Variants in PRCP observed in about 807,000 individuals in gnomAD.
The protein encoded by PRCP is prolylcarboxypeptidase.
A neutral mutation model predicts 54.2 loss-of-function variants in PRCP; 46 were observed. That is an observed-to-expected ratio of 0.85 (90% confidence interval 0.67 to 1.09). The LOEUF is 1.09. Ranked by LOEUF, PRCP falls within the 50% of genes least tolerant of loss-of-function variation. The pLI is 0.00. For synonymous variants in PRCP, 240 were observed against 212.2 expected, an observed-to-expected ratio of 1.13 and a Z score of -1.14; for missense variants, 613 against 596.8, an observed-to-expected ratio of 1.03 and a Z score of -0.28.
chr11:82,875,906 A>C (rs1377196687), intron 1 of PRCP, among the ~76,000 whole-genome samples: 1 of 152,110 alleles, frequency 6.6e-6, no homozygotes, highest in East Asian at 1.9e-4. Context: ...ATATTCCAGA[A>C]ATGCTCTGGA....
rs551301447 is a variant in PRCP at position 82,889,549 on chromosome 11, GAC to G, written c.168+10684_168+10685del. On this transcript the variant is annotated intron_variant, in intron 1 of 8. Transcript: ENST00000313010. ...GGAAGCTGCAGAAGCAGCAGCAGAAGACGCAGCAGCAGGAGCAGCAGAAGCAG... is the reference window on the plus strand; with the variant it reads ...GGAAGCTGCAGAAGCAGCAGCAGAAGGCAGCAGCAGGAGCAGCAGAAGCAG... Among the ~76,000 whole-genome samples the G allele has an allele frequency of 1.6e-3, 249 of 151,988 alleles. 1 individual carries two copies. The highest frequency in any genetic ancestry group is 5.9e-3 in the African/African-American group (243 of 41,446).
chr11:82,860,916 C>G (rs1402866317), intron 1 of PRCP, among the ~76,000 whole-genome samples: 1 of 152,050 alleles, frequency 6.6e-6, no homozygotes, highest in Non-Finnish European at 1.5e-5. Flanking sequence ...AGAAAGTGCT[C>G]ACAATTAATG....
At chr11:82,859,244 G>A (rs1277853407) in intron 2 of PRCP, among the ~76,000 whole-genome samples, 1 of 152,194 alleles carries the variant, frequency 6.6e-6, no homozygotes, top group Non-Finnish European at 1.5e-5. Flanking sequence ...AGAAAATATA[G>A]TCAGGGAAGC....
intron 1 of PRCP, among the ~76,000 whole-genome samples, chr11:82,885,740 A>G (rs1040343447): frequency 4.6e-5 from 7 of 152,194 alleles, no homozygotes; most frequent in African/African-American, 1.7e-4. Context: ...AGATGAATAC[A>G]TGGCAGTGAC....
intron 8 of PRCP, among the ~76,000 whole-genome samples, chr11:82,831,625 G>A (rs969091179): frequency 6.6e-5 from 10 of 152,142 alleles, no homozygotes; most frequent in East Asian, 3.9e-4. Context: ...CTTCCCAACC[G>A]GAAAAGCAAT....
intron 3 of PRCP, among the ~76,000 whole-genome samples, chr11:82,851,663 A>G (rs1366420240): frequency 6.6e-6 from 1 of 152,056 alleles, no homozygotes; most frequent in Admixed American, 6.6e-5. Flanking sequence ...GTTTTAAGCC[A>G]TAAGGTTTGA....
chr11:82,859,671 A>G (rs1859164105), intron 2 of PRCP, among the ~76,000 whole-genome samples: 1 of 147,446 alleles, frequency 6.8e-6, no homozygotes, highest in African/African-American at 2.7e-5. Context: ...CAGGCAGTCC[A>G]TGAAAAATAC....
At position 82,867,902 on chromosome 11, in the gene PRCP, TAA is replaced by T. The variant is rs544295916; in HGVS notation, c.169-7787_169-7786del. ...ACACCCGGTTTGTTAAGTTTTAAATTAAGTTTCAGAAAATCTTAGGACAGAAA... is the reference window on the plus strand; with the variant it reads ...ACACCCGGTTTGTTAAGTTTTAAATTGTTTCAGAAAATCTTAGGACAGAAA... On this transcript the variant is annotated intron_variant, in intron 1 of 8. Transcript: ENST00000313010. 2.1e-3 allele frequency among the ~76,000 whole-genome samples: 316 copies of T among 152,250 alleles called. 1 individual carries two copies. Among genetic ancestry groups the T allele is most frequent in the African/African-American group, 7.3e-3 (304 of 41,546 alleles).
At chr11:82,875,257 G>A (rs1324210290) in intron 1 of PRCP, among the ~76,000 whole-genome samples, 1 of 152,200 alleles carries the variant, frequency 6.6e-6, no homozygotes, top group Non-Finnish European at 1.5e-5. Context: ...AACACAATGT[G>A]CACAGGCCTT....
At chr11:82,853,309 A>AATCTCG (rs1250207277) in intron 2 of PRCP, 31 bp from the exon 3 acceptor site, 2 of 1,566,110 alleles carry the variant, frequency 1.3e-6, no homozygotes, top group Admixed American at 3.6e-5. Context: ...CACAGGATAA[A>AATCTCG]ATCAGAATGT....
At chr11:82,848,856 G>T (rs987265404) in intron 6 of PRCP, among the ~76,000 whole-genome samples, 193 bp downstream of exon 6, 3 of 152,052 alleles carry the variant, frequency 2.0e-5, no homozygotes, top group African/African-American at 7.2e-5. Flanking sequence ...AGGAAACTGA[G>T]GCTCAGAAAA....
chr11:82,850,397 T>C lies in PRCP; in HGVS notation c.520A>G (p.Ile174Val), dbSNP rs777326894. The C allele has an allele frequency of 3.7e-6, 6 of 1,605,304 alleles. No individual in the cohort carries two copies. The African/African-American group carries it at 4.0e-5, about 11-fold the overall frequency. The stretch of plus-strand genomic sequence containing the variant: ...CCACCATAGGAGCCTCCTATGGCAA[T>C]GACAGGTTGATTTTCAGCTCCTGGG... ...TIPGAENQPVIAIGGSYGGML... is the reference protein window; with the variant it reads ...TIPGAENQPVVAIGGSYGGML... Residue 174 changes from isoleucine (I) to valine (V), a missense_variant, in exon 4 of 9, where the codon ATT (isoleucine) becomes GTT (valine). Coordinates refer to ENST00000313010, the MANE Select transcript of PRCP (RefSeq NM_005040.4).
chr11:82,865,282 T>G (rs1293557336), intron 1 of PRCP, among the ~76,000 whole-genome samples: 1 of 152,222 alleles, frequency 6.6e-6, no homozygotes, highest in Non-Finnish European at 1.5e-5. Context: ...CAGATAAAGC[T>G]GACTATAAAC....
intron 1 of PRCP, chr11:82,884,709 A>AT: frequency 1.4e-6 from 2 of 1,455,782 alleles, no homozygotes; most frequent in Non-Finnish European, 1.9e-6. Flanking sequence ...AAAGAAGAGA[A>AT]TTTGCAGACA....
In PRCP at chr11:82,900,396, G is replaced by A. The variant is rs775713528; in HGVS notation, c.7C>T (p.Arg3Cys). The A allele has an allele frequency of 5.6e-6, 9 of 1,613,490 alleles. No individual in the cohort carries two copies. In the East Asian group the frequency reaches 1.3e-4, roughly 24 times the overall value. Residue 3 changes from arginine to cysteine, a missense_variant, in exon 1 of 9, where the codon CGC (arginine) becomes TGC (cysteine). Coordinates refer to ENST00000313010, the MANE Select transcript of PRCP (RefSeq NM_005040.4). MG[R>C]RALLLLLLSF... is the part of the protein sequence containing the mutation. The stretch of plus-strand genomic sequence containing the variant: ...AGAAGCAGGAGCAGGAGGGCTCGGC[G>A]GCCCATGGCTCAGGCTGGAGACTGC...
chr11:82,863,750 A>T (rs563319830), intron 1 of PRCP, among the ~76,000 whole-genome samples: 14 of 152,260 alleles, frequency 9.2e-5, no homozygotes, highest in Non-Finnish European at 1.8e-4. Context: ...TTCCATCTAG[A>T]ATCACAAGGG....
intron 3 of PRCP, among the ~76,000 whole-genome samples, chr11:82,851,101 G>A (rs1858943255): frequency 6.6e-6 from 1 of 152,208 alleles, no homozygotes; most frequent in South Asian, 2.1e-4. Context: ...ATAATGTTAA[G>A]TTTCATAAAC....
chr11:82,890,863 C>T (rs1859992254), intron 1 of PRCP, among the ~76,000 whole-genome samples: 1 of 152,216 alleles, frequency 6.6e-6, no homozygotes, highest in East Asian at 1.9e-4. Context: ...CAGGGTATCA[C>T]ACCCTCCTGG....
At chr11:82,874,711 A>C (rs537492299) in intron 1 of PRCP, among the ~76,000 whole-genome samples, 3 of 150,564 alleles carry the variant, frequency 2.0e-5, no homozygotes, top group Admixed American at 6.6e-5. Flanking sequence ...AAAAAAAAAG[A>C]AAAAAAAGAA....
Sources: allele counts gnomAD v4.1 joint callset (sites outside exome capture counted in the v4.1 genomes callset), GRCh38; gene constraint gnomAD v4.1.1; transcripts MANE v1.5; gene names NCBI Gene and HGNC (gene_info 2026-07-23, HGNC 2026-07-21).